The following GNAL variants were observed in gnomAD, a reference collection of about 807,000 sequenced individuals.
GNAL encodes G protein subunit alpha L.
Under a neutral mutation model 55.1 loss-of-function variants are expected in GNAL, and 18 were observed. The observed-to-expected ratio is 0.33, with a 90% CI of 0.23 to 0.48. The LOEUF is 0.48. Among genes scored for constraint, GNAL ranks in the 20% least tolerant of loss-of-function variants. GNAL has a pLI of 0.99. For missense variants in GNAL, 412 were observed against 614.1 expected (o/e 0.67, Z 3.48); for synonymous variants, 253 against 237.0 (o/e 1.07, Z -0.62).
chr18:11,718,653 C>T (rs1006745952), intron 1 of GNAL, among the ~76,000 whole-genome samples: 1 of 152,136 alleles, frequency 6.6e-6, no homozygotes, highest in African/African-American at 2.4e-5. Flanking sequence ...TCACAAGCAT[C>T]TTCTAGCTAA....
In GNAL at chr18:11,783,334, C is replaced by T. The variant is rs550168739; in HGVS notation, c.624+29389C>T. Among the ~76,000 whole-genome samples, 8 of 152,262 alleles carry T rather than the reference C, an allele frequency of 5.3e-5. No individual in the cohort carries two copies. In the East Asian group the frequency reaches 1.5e-3, roughly 29 times the overall value. ...CAAATGGGCATGATAATGGTACTTA[C>T]CTCAGAGTTGCTGTGAGGGTTAAAC... On this transcript the variant is annotated intron_variant, in intron 4 of 11. Coordinates refer to ENST00000334049, the MANE Select transcript of GNAL (RefSeq NM_182978.4).
intron 1 of GNAL, among the ~76,000 whole-genome samples, chr18:11,720,790 T>G (rs1567997767): frequency 1.3e-5 from 2 of 152,222 alleles, no homozygotes. Flanking sequence ...GGAAAATATT[T>G]CTGCTGCAAA....
intron 5 of GNAL, among the ~76,000 whole-genome samples, chr18:11,862,047 T>A (rs1377196768): frequency 1.3e-5 from 2 of 151,976 alleles, no homozygotes; most frequent in African/African-American, 4.8e-5. Flanking sequence ...ATGTTTTGTT[T>A]ACATTGCAAC....
intron 5 of GNAL, chr18:11,852,420 C>G: frequency 3.1e-6 from 1 of 321,862 alleles, no homozygotes; most frequent in Non-Finnish European, 6.1e-6. Flanking sequence ...AGTTTCCTGC[C>G]CAGAATGATC....
At position 11,706,451 on chromosome 18, in the gene GNAL, C is replaced by G. The variant is rs368616741; in HGVS notation, c.376+16512C>G. On this transcript the variant is annotated intron_variant, in intron 1 of 11. Transcript: ENST00000334049. ...TCGATATCTGTGGCTGCTGACTGAT[C>G]AGGGCGGTTGTTGCTGAAGACAGTT... is the stretch of plus-strand genomic sequence containing the variant. 6.6e-5 allele frequency among the ~76,000 whole-genome samples: 10 copies of G among 152,142 alleles called. No homozygotes were observed. The East Asian group carries it at 1.2e-3, about 18-fold the overall frequency.
At chr18:11,824,888 T>C in intron 4 of GNAL, 30 bp from the exon 5 acceptor site, 1 of 1,262,968 alleles carries the variant, frequency 7.9e-7, no homozygotes. Flanking sequence ...CACTTTTTTT[T>C]TTTTAATTTG....
At chr18:11,833,843 A>C (rs1420714961) in intron 5 of GNAL, among the ~76,000 whole-genome samples, 1 of 152,182 alleles carries the variant, frequency 6.6e-6, no homozygotes, top group Non-Finnish European at 1.5e-5. Context: ...TAGAAATGGA[A>C]CGCTTCGTCA....
At chr18:11,758,552 T>G (rs757766933) in intron 4 of GNAL, among the ~76,000 whole-genome samples, 2 of 152,230 alleles carry the variant, frequency 1.3e-5, no homozygotes, top group Non-Finnish European at 2.9e-5. Flanking sequence ...GTGAAATCTT[T>G]GGAGACAAGG....
intron 4 of GNAL, among the ~76,000 whole-genome samples, chr18:11,769,244 A>G (rs960621749): frequency 6.7e-6 from 1 of 148,272 alleles, no homozygotes; most frequent in Non-Finnish European, 1.5e-5. Context: ...AAAATAAGGC[A>G]TGTAGTTTAA....
chr18:11,707,162 C>T (rs1489312667), intron 1 of GNAL, among the ~76,000 whole-genome samples: 1 of 152,224 alleles, frequency 6.6e-6, no homozygotes, highest in Non-Finnish European at 1.5e-5. Flanking sequence ...CATGTGCCAC[C>T]ATGCTTGGCT....
rs1555613166 is a variant in GNAL, at chr18:11,846,464, T to TATAC, written c.723-15930_723-15929insTACA. 8.8e-3 allele frequency among the ~76,000 whole-genome samples: 1,229 copies of TATAC among 140,068 alleles called. 14 individuals are homozygous for TATAC. The highest frequency in any genetic ancestry group is 0.014 in the Non-Finnish European group (893 of 65,524). 91.9% of individuals were successfully genotyped at this position (140,068 alleles called of 152,430 possible). A position where few individuals can be genotyped will look rare whatever the true frequency, so the allele number is the denominator to read the frequency against. ...ATAAATATAAATATATATATAAATA[T>TATAC]ACACACACACACACACACACACACA... is the stretch of plus-strand genomic sequence containing the variant. On this transcript the variant is annotated intron_variant, in intron 5 of 11. Coordinates refer to ENST00000334049, the MANE Select transcript of GNAL (RefSeq NM_182978.4).
intron 4 of GNAL, among the ~76,000 whole-genome samples, chr18:11,806,405 G>A (rs9945211): frequency 0.25 from 38,007 of 152,112 alleles, 5,707 homozygotes; most frequent in African/African-American, 0.42. Flanking sequence ...TCTTAGTCAT[G>A]AATTCTTTGC....
At chr18:11,875,050 G>A (rs1021307821) in intron 10 of GNAL, among the ~76,000 whole-genome samples, 2 of 152,158 alleles carry the variant, frequency 1.3e-5, no homozygotes, top group African/African-American at 2.4e-5. Context: ...GGACTCTTCC[G>A]GGGGAGAATG....
chr18:11,755,409 G>T (rs369664354), intron 4 of GNAL, among the ~76,000 whole-genome samples: 1 of 152,084 alleles, frequency 6.6e-6, no homozygotes, highest in Non-Finnish European at 1.5e-5. Context: ...TAGTAGCTGG[G>T]ACTACAGGCG....
At chr18:11,844,360 G>A (rs557599370) in intron 5 of GNAL, among the ~76,000 whole-genome samples, 1 of 151,610 alleles carries the variant, frequency 6.6e-6, no homozygotes, top group East Asian at 1.9e-4. Flanking sequence ...CTTGAACCCG[G>A]GAAGCAGAGG....
At chr18:11,716,122 C>G (rs1394537093) in intron 1 of GNAL, among the ~76,000 whole-genome samples, 1 of 152,210 alleles carries the variant, frequency 6.6e-6, no homozygotes, top group Admixed American at 6.5e-5. Flanking sequence ...AACAGAACTA[C>G]CATTCGACGC....
At position 11,868,773 on chromosome 18, in the gene GNAL, G is replaced by A; in HGVS notation, c.1031+110G>A. 2.4e-6 allele frequency: 2 copies of A among 826,712 alleles called. No homozygotes were observed. Among genetic ancestry groups the A allele is most frequent in the African/African-American group, 3.5e-5 (2 of 56,826 alleles). 51.2% of individuals were successfully genotyped at this position (826,712 alleles called of 1,614,324 possible). The stretch of plus-strand genomic sequence containing the variant: ...CACACCTGTAATCTCAACACTGGGA[G>A]GCCGAGGCAGGTGTGTCACTTGAGC... On this transcript the variant is annotated intron_variant, in intron 9 of 11. Coordinates refer to ENST00000334049, the MANE Select transcript of GNAL (RefSeq NM_182978.4). The surrounding 1 kb of genome is among the most constrained non-coding windows in gnomAD (Gnocchi z 4.0).
chr18:11,691,457 T>G (rs1184328764), intron 1 of GNAL, among the ~76,000 whole-genome samples: 6 of 150,346 alleles, frequency 4.0e-5, no homozygotes, highest in Non-Finnish European at 7.4e-5. Flanking sequence ...AGAAGCTCTT[T>G]AGTTTAATTA....
chr18:11,700,682 C>T (rs2031545756), intron 1 of GNAL, among the ~76,000 whole-genome samples: 1 of 152,228 alleles, frequency 6.6e-6, no homozygotes, highest in South Asian at 2.1e-4. Context: ...TCGAGGAAGA[C>T]AGCAAACACA....
Sources: allele counts gnomAD v4.1 joint callset (sites outside exome capture counted in the v4.1 genomes callset), GRCh38; gene constraint gnomAD v4.1.1; non-coding constraint Gnocchi (gnomAD v3.1); transcripts MANE v1.5; gene names NCBI Gene and HGNC (gene_info 2026-07-23, HGNC 2026-07-21).